The following CSMD1 variants were observed in gnomAD, a reference collection of about 807,000 sequenced individuals.
CSMD1 encodes the protein CUB and Sushi multiple domains 1, also known as CUB and sushi domain-containing protein 1.
CSMD1 carries 213 observed loss-of-function variants against 417.5 expected under a neutral mutation model. That is an observed-to-expected ratio of 0.51 (90% CI 0.46 to 0.57). The LOEUF (loss-of-function observed/expected upper bound fraction) is 0.57. CSMD1 is among the 20% of genes least tolerant of loss of function. CSMD1 has a pLI of 0.00. For missense variants in CSMD1, 6,923 were observed against 4,529.7 expected, an observed-to-expected ratio of 1.53 and a Z score of -15.17; for synonymous variants, 2,862 against 1,736.8, an observed-to-expected ratio of 1.65 and a Z score of -16.11.
At chr8:3,917,817 T>A (rs1265715097) in intron 5 of CSMD1, among the ~76,000 whole-genome samples, 1 of 152,146 alleles carries the variant, frequency 6.6e-6, no homozygotes, top group African/African-American at 2.4e-5. Context: ...CAATATTAGT[T>A]GTGTGTATGC....
At chr8:4,705,202 G>T (rs747749035) in intron 1 of CSMD1, among the ~76,000 whole-genome samples, 1 of 152,082 alleles carries the variant, frequency 6.6e-6, no homozygotes, top group Non-Finnish European at 1.5e-5. Context: ...CACCCATGAA[G>T]AACTGTGAGT....
intron 3 of CSMD1, among the ~76,000 whole-genome samples, chr8:4,253,968 G>T (rs997431890): frequency 1.4e-5 from 2 of 138,482 alleles, no homozygotes; most frequent in Non-Finnish European, 3.0e-5. Flanking sequence ...CCAGGCTGGA[G>T]TGCAGTGGTG....
intron 26 of CSMD1, chr8:3,279,170 G>A (rs1030155450): frequency 2.0e-5 from 3 of 152,162 alleles, no homozygotes; most frequent in South Asian, 2.1e-4. Context: ...GATCCTTAGA[G>A]AGAAACACAT....
In CSMD1 at chr8:3,009,816, G is replaced by A. The variant is rs79495071; in HGVS notation, c.8029+8661C>T. ...TGCTGTTTGTGACAGCATCAAACAC[G>A]GGCCCGAGTCCTCTGCCACAAATCC... On this transcript the variant is annotated intron_variant, in intron 52 of 69. Transcript: ENST00000635120. Among the ~76,000 whole-genome samples, 533 of 152,212 alleles carry A rather than the reference G, an allele frequency of 3.5e-3. 6 individuals are homozygous for A. Among genetic ancestry groups the A allele is most frequent in the African/African-American group, 0.012 (495 of 41,532 alleles).
At chr8:3,670,686 T>A (rs531244344) in intron 7 of CSMD1, among the ~76,000 whole-genome samples, 1 of 148,664 alleles carries the variant, frequency 6.7e-6, no homozygotes, top group Non-Finnish European at 1.5e-5. Context: ...TATATATGTA[T>A]GGGATATATG....
rs1365181703 is a variant in CSMD1, at chr8:3,394,034, A to G, written c.2593+2160T>C. ...AAATTATATATATATATATATATATATATATATATATATATATATATAGAA... is the reference window on the plus strand; with the variant it reads ...AAATTATATATATATATATATATATGTATATATATATATATATATATAGAA... On this transcript the variant is annotated intron_variant, in intron 17 of 69. Coordinates refer to ENST00000635120, the MANE Select transcript of CSMD1 (RefSeq NM_033225.6). Among the ~76,000 whole-genome samples the G allele has an allele frequency of 3.0e-5, 3 of 99,326 alleles. No homozygotes were observed. In the East Asian group the frequency reaches 6.7e-4, roughly 22 times the overall value. The allele number at this position is 99,326 out of a possible 152,430, so 65.2% of individuals were successfully genotyped here.
intron 7 of CSMD1, among the ~76,000 whole-genome samples, chr8:3,666,586 G>C (rs1021778415): frequency 6.6e-6 from 1 of 152,090 alleles, no homozygotes; most frequent in African/African-American, 2.4e-5. Flanking sequence ...ATCTTGAATT[G>C]TAGCTCCCAT....
chr8:3,273,499 A>G (rs1208017711), intron 26 of CSMD1, among the ~76,000 whole-genome samples: 1 of 152,146 alleles, frequency 6.6e-6, no homozygotes, highest in Non-Finnish European at 1.5e-5. Context: ...ATAGTTTCAG[A>G]AGGAATGGTA....
chr8:3,931,382 T>G (rs984836781), intron 5 of CSMD1, among the ~76,000 whole-genome samples: 1 of 150,706 alleles, frequency 6.6e-6, no homozygotes, highest in African/African-American at 2.4e-5. Flanking sequence ...TCTATTTGAA[T>G]GTCACATTCA....
At chr8:4,774,891 G>A (rs1044597795) in intron 1 of CSMD1, among the ~76,000 whole-genome samples, 1 of 152,128 alleles carries the variant, frequency 6.6e-6, no homozygotes, top group African/African-American at 2.4e-5. Flanking sequence ...AGTTACCTGA[G>A]GCCTCCGCAG....
chr8:4,144,205 T>C (rs1266630875), intron 3 of CSMD1, among the ~76,000 whole-genome samples: 2 of 151,012 alleles, frequency 1.3e-5, no homozygotes, highest in East Asian at 1.9e-4. Flanking sequence ...TGCCCCTAGA[T>C]CTTGGGCTTC....
intron 1 of CSMD1, among the ~76,000 whole-genome samples, chr8:4,876,389 G>A (rs1205329106): frequency 2.0e-5 from 3 of 152,032 alleles, no homozygotes; most frequent in Admixed American, 6.5e-5. Flanking sequence ...GAAATACAGA[G>A]CAAACCGTTA....
intron 3 of CSMD1, among the ~76,000 whole-genome samples, chr8:4,282,773 G>A (rs1316806192): frequency 6.6e-6 from 1 of 152,066 alleles, no homozygotes; most frequent in Non-Finnish European, 1.5e-5. Context: ...TATTTTGAGA[G>A]CTTTTTATAG....
rs1014334793 is a variant in CSMD1, at chr8:4,241,843, G to C, written c.415+178110C>G. Among the ~76,000 whole-genome samples the C allele has an allele frequency of 3.3e-5, 5 of 152,094 alleles. No homozygotes were observed. The East Asian group carries it at 9.7e-4, about 29-fold the overall frequency. On this transcript the variant is annotated intron_variant, in intron 3 of 69. Coordinates refer to ENST00000635120, the MANE Select transcript of CSMD1 (RefSeq NM_033225.6). ...CTCCTGTCTCAGCCTCCCAAGTATG[G>C]GGTGATTTTTAAGTGCAAAAAAAGA...
Position 4,232,220 on chromosome 8 carries a change from G to C in CSMD1, c.415+187733C>G, listed in dbSNP as rs189469381. Among the ~76,000 whole-genome samples, 14 of 152,278 alleles carry C rather than the reference G, an allele frequency of 9.2e-5. No homozygotes were observed. The East Asian group carries it at 1.7e-3, about 19-fold the overall frequency. Reference sequence around the variant, plus strand: ...TTTGTTTTTATTTATTTTTAAGACAGAGTCTCGCTCTGTCAGTCACCAGGC... The same window carrying C: ...TTTGTTTTTATTTATTTTTAAGACACAGTCTCGCTCTGTCAGTCACCAGGC... On this transcript the variant is annotated intron_variant, in intron 3 of 69. Transcript: ENST00000635120.
At chr8:4,972,486 G>A (rs1364349628) in intron 1 of CSMD1, among the ~76,000 whole-genome samples, 1 of 152,130 alleles carries the variant, frequency 6.6e-6, no homozygotes, top group Non-Finnish European at 1.5e-5. Flanking sequence ...GCCATCTTGT[G>A]AAGAAGGTGC....
chr8:4,827,914 A>C (rs567737492), intron 1 of CSMD1, among the ~76,000 whole-genome samples: 1 of 152,308 alleles, frequency 6.6e-6, no homozygotes, highest in African/African-American at 2.4e-5. Context: ...ACAATGAAAA[A>C]TGTCAAATCC....
intron 52 of CSMD1, among the ~76,000 whole-genome samples, chr8:3,013,901 G>A (rs1000865719): frequency 6.6e-6 from 1 of 152,102 alleles, no homozygotes; most frequent in Non-Finnish European, 1.5e-5. Flanking sequence ...AACAGAGGAT[G>A]GGAAGAACCT....
chr8:4,918,091 TA>T (rs59356744), intron 1 of CSMD1, among the ~76,000 whole-genome samples: 1 of 151,294 alleles, frequency 6.6e-6, no homozygotes, highest in Non-Finnish European at 1.5e-5. Flanking sequence ...GCAATACTTT[TA>T]AAAAAAGAAA....
Sources: allele counts gnomAD v4.1 joint callset (sites outside exome capture counted in the v4.1 genomes callset), GRCh38; gene constraint gnomAD v4.1.1; transcripts MANE v1.5; gene names NCBI Gene and HGNC (gene_info 2026-07-23, HGNC 2026-07-21).